Variants in PAPOLA observed in about 807,000 individuals in gnomAD.
PAPOLA encodes polynucleotide adenylyltransferase alpha.
A neutral mutation model predicts 100.6 loss-of-function variants in PAPOLA; 15 were observed. The ratio of observed to expected loss-of-function variants is 0.15; its 90% CI spans 0.10 to 0.23. The LOEUF (loss-of-function observed/expected upper bound fraction) is 0.23, where lower values mean the gene tolerates loss of function less well. PAPOLA is among the 10% of genes least tolerant of loss of function. PAPOLA has a pLI of 1.00. For missense variants in PAPOLA, 533 were observed against 884.2 expected, an observed-to-expected ratio of 0.60 and a Z score of 5.04; for synonymous variants, 293 against 300.0, an observed-to-expected ratio of 0.98 and a Z score of 0.24.
chr14:96,531,546 G>A lies in PAPOLA; in HGVS notation c.567G>A (p.Leu189=). 6.2e-7 allele frequency: 1 copy of A among 1,609,188 alleles called. No individual in the cohort carries two copies. ...ATTTGGATCTACGAGATGACAGTCTGCTAAAAAATTTAGATATAAGATGTA... is the reference window on the plus strand; with the variant it reads ...ATTTGGATCTACGAGATGACAGTCTACTAAAAAATTTAGATATAAGATGTA... The part of the protein sequence containing the change: ...PEDLDLRDDS[L]LKNLDIRCIR... Residue 189 remains leucine (L), a synonymous_variant, in exon 7 of 22, where the codon CTG becomes CTA. Coordinates refer to ENST00000216277, the MANE Select transcript of PAPOLA (RefSeq NM_032632.5).
At chr14:96,509,965 C>CTTTTTTTTTTTTTTTTT (rs11372552) in intron 1 of PAPOLA, among the ~76,000 whole-genome samples, 1 of 84,426 alleles carries the variant, frequency 1.2e-5, no homozygotes, top group Non-Finnish European at 2.4e-5. Flanking sequence ...GTGGGAGTTG[C>CTTTTTTTTTTTTTTTTT]TTTTTTTTTT....
chr14:96,548,830 C>T (rs1305186061), intron 16 of PAPOLA, among the ~76,000 whole-genome samples: 1 of 152,126 alleles, frequency 6.6e-6, no homozygotes, highest in African/African-American at 2.4e-5. Flanking sequence ...GAAATTAATA[C>T]ACAAAAGACT....
At chr14:96,529,800 A>G (rs897658936) in intron 6 of PAPOLA, among the ~76,000 whole-genome samples, 1 of 152,172 alleles carries the variant, frequency 6.6e-6, no homozygotes, top group Non-Finnish European at 1.5e-5. Flanking sequence ...TTTTGGAACC[A>G]TGAAATCATA....
intron 1 of PAPOLA, among the ~76,000 whole-genome samples, chr14:96,516,625 C>T (rs376363007): frequency 3.9e-5 from 6 of 152,270 alleles, no homozygotes; most frequent in African/African-American, 1.4e-4. Context: ...ATGCATGAGC[C>T]ATGGTGCCTG....
At chr14:96,540,157 G>A (rs1457959000) in intron 12 of PAPOLA, among the ~76,000 whole-genome samples, 1 of 152,126 alleles carries the variant, frequency 6.6e-6, no homozygotes, top group African/African-American at 2.4e-5. Context: ...CAAATGGATT[G>A]TATGTTTTCC....
chr14:96,517,963 A>C (rs750731786), intron 1 of PAPOLA, among the ~76,000 whole-genome samples: 2 of 152,104 alleles, frequency 1.3e-5, no homozygotes, highest in Non-Finnish European at 2.9e-5. Context: ...CGGCCCCCCA[A>C]AATTTGCTGG....
intron 17 of PAPOLA, among the ~76,000 whole-genome samples, chr14:96,555,166 G>C (rs1901199410): frequency 1.3e-5 from 2 of 150,696 alleles, no homozygotes; most frequent in Admixed American, 1.3e-4. Flanking sequence ...TTTGTATACA[G>C]AAGTTTATTT....
chr14:96,550,601 A>G (rs1377471514), intron 16 of PAPOLA, among the ~76,000 whole-genome samples: 1 of 152,184 alleles, frequency 6.6e-6, no homozygotes, highest in Admixed American at 6.5e-5. Flanking sequence ...ATATTTTTAA[A>G]AGGTTTTTGA....
chr14:96,527,700 C>A, intron 5 of PAPOLA, 161 bp downstream of exon 5: 1 of 611,218 alleles, frequency 1.6e-6, no homozygotes, highest in Non-Finnish European at 2.9e-6. Context: ...TACAGCAAGC[C>A]TAAAATTATA....
chr14:96,503,963 G>A (rs1896530218), intron 1 of PAPOLA, among the ~76,000 whole-genome samples: 1 of 152,154 alleles, frequency 6.6e-6, no homozygotes, highest in Non-Finnish European at 1.5e-5. Flanking sequence ...TTACTTCTGT[G>A]ATGAAAACGT....
chr14:96,502,628 C>G, intron 1 of PAPOLA, 28 bp downstream of exon 1: 1 of 1,565,638 alleles, frequency 6.4e-7, no homozygotes, highest in Non-Finnish European at 8.7e-7. Context: ...TGTTTTCTTT[C>G]GCTCGCCGGC....
intron 4 of PAPOLA, chr14:96,527,164 G>A: frequency 2.3e-6 from 1 of 430,318 alleles, no homozygotes; most frequent in Non-Finnish European, 4.1e-6. Context: ...TCTCCACCAT[G>A]AAAGTACTTG....
chr14:96,520,830 G>A, intron 2 of PAPOLA, 176 bp from the exon 3 acceptor site: 1 of 519,422 alleles, frequency 1.9e-6, no homozygotes, highest in East Asian at 3.4e-5. Flanking sequence ...TATATATATA[G>A]AAAGAGAGAG....
chr14:96,560,674 G>C lies in PAPOLA; in HGVS notation c.2030G>C (p.Cys677Ser). Residue 677 changes from cysteine (C) to serine (S), a missense_variant, in exon 20 of 22, where the codon TGT (cysteine) becomes TCT (serine). Physicochemically the swap from Cys to Ser is moderately radical, Grantham distance 112. This residue lies in a region of PAPOLA where 242 missense variants were observed against 281.0 expected (regional missense o/e 0.86). Coordinates refer to ENST00000216277, the MANE Select transcript of PAPOLA (RefSeq NM_032632.5). ...GATGAAACAAGTGAAGATGCTAACT[G>C]TCTTGCTTTGAGTGGACATGATAAA... ...EEDETSEDAN[C>S]LALSGHDKTE... is the part of the protein sequence containing the mutation. 1 of 1,607,276 alleles carries C rather than the reference G, an allele frequency of 6.2e-7. No homozygotes were observed. The highest frequency in any genetic ancestry group is 1.3e-5 in the African/African-American group (1 of 74,764).
rs1453434039 is a variant in PAPOLA, at chr14:96,544,141, C to G, written c.1290-8C>G. On this transcript the variant is annotated splice_region_variant and splice_polypyrimidine_tract_variant and intron_variant, in intron 14 of 21. Transcript: ENST00000216277. ...CCAGATAAACTATGGTAATGCTCTT[C>G]TTTGCAGGGAAGAATTTCGCACGAT... 1.3e-6 allele frequency: 2 copies of G among 1,487,038 alleles called. No individual in the cohort carries two copies. The highest frequency in any genetic ancestry group is 1.4e-5 in the African/African-American group (1 of 72,206). The allele number at this position is 1,487,038 out of a possible 1,614,324, so 92.1% of individuals were successfully genotyped here.
intron 15 of PAPOLA, among the ~76,000 whole-genome samples, chr14:96,545,860 A>T (rs1218880145): frequency 6.6e-6 from 1 of 152,106 alleles, no homozygotes; most frequent in Admixed American, 6.5e-5. Flanking sequence ...TTCTGATGTT[A>T]ACTCATTTAT....
At chr14:96,516,163 A>G (rs1897445863) in intron 1 of PAPOLA, among the ~76,000 whole-genome samples, 3 of 152,176 alleles carry the variant, frequency 2.0e-5, no homozygotes, top group African/African-American at 4.8e-5. Context: ...TAATGTTTCT[A>G]CTTTGGACGT....
At chr14:96,508,228 C>T (rs957409466) in intron 1 of PAPOLA, among the ~76,000 whole-genome samples, 2 of 152,110 alleles carry the variant, frequency 1.3e-5, no homozygotes, top group Admixed American at 1.3e-4. Flanking sequence ...CTCAGCCCAC[C>T]CCAACCGTCT....
At position 96,516,980 on chromosome 14, in the gene PAPOLA, ACT is replaced by A. The variant is rs1566836872; in HGVS notation, c.9-3072_9-3071del. Among the ~76,000 whole-genome samples, 4 of 151,852 alleles carry A rather than the reference ACT, an allele frequency of 2.6e-5. No individual in the cohort carries two copies. The South Asian group carries it at 8.3e-4, about 32-fold the overall frequency. ...AAGATTTAGGAATCTTACAGTGGAT[ACT>A]CTTTGTTTTTTTAATGATCCAAACT... On this transcript the variant is annotated intron_variant, in intron 1 of 21. Transcript: ENST00000216277.
Sources: gnomAD v4.1 joint callset for allele counts (sites outside exome capture counted in the v4.1 genomes callset) on GRCh38, gnomAD v4.1.1 for gene constraint, gnomAD v4.1.1 regional missense constraint, MANE v1.5 for transcripts, NCBI Gene and HGNC (gene_info 2026-07-23, HGNC 2026-07-21) for gene names.